UBE2E2: variants seen among roughly 807,000 people sequenced by gnomAD.
The protein encoded by UBE2E2 is ubiquitin-conjugating enzyme E2 E2.
Under a neutral mutation model 24.7 loss-of-function variants are expected in UBE2E2, and 6 were observed. That is an observed-to-expected ratio of 0.24 (90% CI 0.13 to 0.48). The LOEUF (loss-of-function observed/expected upper bound fraction) is 0.48. UBE2E2 is among the 20% of genes least tolerant of loss of function. The probability of loss-of-function intolerance (pLI) is 0.99; values close to 1 mark genes in which losing one functional copy is unlikely to be tolerated. For synonymous variants in UBE2E2, 104 were observed against 83.6 expected, an observed-to-expected ratio of 1.24 and a Z score of -1.33; for missense variants, 169 against 245.0, an observed-to-expected ratio of 0.69 and a Z score of 2.07.
intron 4 of UBE2E2, among the ~76,000 whole-genome samples, chr3:23,517,592 G>A: frequency 6.6e-6 from 1 of 152,006 alleles, no homozygotes; most frequent in Middle Eastern, 3.2e-3. Flanking sequence ...TTTCCTAGAG[G>A]GGATAAAAAT....
At chr3:23,430,303 CT>C (rs1415602882) in intron 3 of UBE2E2, among the ~76,000 whole-genome samples, 2 of 152,018 alleles carry the variant, frequency 1.3e-5, no homozygotes, top group South Asian at 4.2e-4. Flanking sequence ...ATTAGTATAC[CT>C]TATCTCCCAT....
At chr3:23,335,608 C>G (rs1406474975) in intron 3 of UBE2E2, among the ~76,000 whole-genome samples, 1 of 152,194 alleles carries the variant, frequency 6.6e-6, no homozygotes, top group Non-Finnish European at 1.5e-5. Flanking sequence ...ATGGCTCACT[C>G]ACTGCAGCTG....
intron 3 of UBE2E2, among the ~76,000 whole-genome samples, chr3:23,458,523 T>C (rs1417529919): frequency 1.3e-5 from 2 of 152,048 alleles, no homozygotes; most frequent in Non-Finnish European, 2.9e-5. Context: ...GTTCACACCA[T>C]GCTCCTGCCT....
rs554956364 is a variant in UBE2E2, at chr3:23,313,436, G to A, written c.227+96124G>A. Among the ~76,000 whole-genome samples, 7 of 146,424 alleles carry A rather than the reference G, an allele frequency of 4.8e-5. No individual in the cohort carries two copies. The South Asian group carries it at 8.7e-4, about 18-fold the overall frequency. Reference sequence around the variant, plus strand: ...CATCTCGCTCTGTTCCCAGGCTGGAGTGCAGTGGCGCAATCTCAGCTTACT... The same window carrying A: ...CATCTCGCTCTGTTCCCAGGCTGGAATGCAGTGGCGCAATCTCAGCTTACT... On this transcript the variant is annotated intron_variant, in intron 3 of 5. Transcript: ENST00000396703.
intron 3 of UBE2E2, among the ~76,000 whole-genome samples, chr3:23,440,013 T>A (rs538631098): frequency 6.6e-6 from 1 of 150,838 alleles, no homozygotes; most frequent in East Asian, 1.9e-4. Flanking sequence ...GTATCACGCC[T>A]GTAATCCCAG....
chr3:23,353,231 T>G (rs957769381), intron 3 of UBE2E2, among the ~76,000 whole-genome samples: 4 of 152,146 alleles, frequency 2.6e-5, no homozygotes, highest in African/African-American at 9.7e-5. Context: ...TGATGGGACG[T>G]ATCTCCAAAT....
chr3:23,250,612 T>G (rs1279534866), intron 3 of UBE2E2, among the ~76,000 whole-genome samples: 2 of 152,260 alleles, frequency 1.3e-5, no homozygotes, highest in African/African-American at 4.8e-5. Flanking sequence ...TTGTCTCTTA[T>G]GATACTCTGT....
At chr3:23,204,682 T>C (rs747590091) in intron 1 of UBE2E2, 161 of 985,210 alleles carry the variant, frequency 1.6e-4, no homozygotes, top group Non-Finnish European at 1.6e-4. Flanking sequence ...CTCTTTCCCC[T>C]GCAGCACCTT....
chr3:23,578,616 A>G (rs1277052144), intron 5 of UBE2E2, among the ~76,000 whole-genome samples: 1 of 152,218 alleles, frequency 6.6e-6, no homozygotes, highest in Non-Finnish European at 1.5e-5. Flanking sequence ...GAACAAGATC[A>G]TGTCCTTTGC....
intron 3 of UBE2E2, among the ~76,000 whole-genome samples, chr3:23,245,929 A>G (rs1575499934): frequency 6.6e-6 from 1 of 152,336 alleles, no homozygotes; most frequent in South Asian, 2.1e-4. Flanking sequence ...TTAATGGATA[A>G]GTAGGTGGAT....
At chr3:23,535,057 A>G (rs571872720) in intron 5 of UBE2E2, among the ~76,000 whole-genome samples, 11 of 152,298 alleles carry the variant, frequency 7.2e-5, no homozygotes, top group Middle Eastern at 3.4e-3. Context: ...GGGTATGACT[A>G]CCCATCCTTA....
At chr3:23,265,093 A>G (rs1698010337) in intron 3 of UBE2E2, among the ~76,000 whole-genome samples, 1 of 152,220 alleles carries the variant, frequency 6.6e-6, no homozygotes, top group Non-Finnish European at 1.5e-5. Flanking sequence ...TGCAAAGGGA[A>G]GAAGGAAAGG....
chr3:23,577,889 C>T (rs1696381876), intron 5 of UBE2E2, among the ~76,000 whole-genome samples: 1 of 151,888 alleles, frequency 6.6e-6, no homozygotes, highest in East Asian at 1.9e-4. Context: ...CCCTTAAAAA[C>T]TTGCCTGTGC....
intron 3 of UBE2E2, among the ~76,000 whole-genome samples, chr3:23,391,374 A>G (rs1450347007): frequency 2.0e-5 from 3 of 152,238 alleles, no homozygotes; most frequent in Admixed American, 2.0e-4. Context: ...TAGTTCAGGA[A>G]TGTGGCCACA....
chr3:23,430,100 G>A (rs369584028), intron 3 of UBE2E2, among the ~76,000 whole-genome samples: 49 of 152,266 alleles, frequency 3.2e-4, no homozygotes, highest in African/African-American at 1.1e-3. Context: ...TTCTGGAAAG[G>A]TTAGGTTTTG....
At chr3:23,495,927 C>T (rs1195472477) in intron 3 of UBE2E2, among the ~76,000 whole-genome samples, 2 of 134,684 alleles carry the variant, frequency 1.5e-5, no homozygotes, top group Non-Finnish European at 3.5e-5. Context: ...CTTTTTTAAA[C>T]AAGAGAAATC....
intron 3 of UBE2E2, among the ~76,000 whole-genome samples, chr3:23,264,134 A>G (rs996678629): frequency 6.6e-6 from 1 of 152,182 alleles, no homozygotes; most frequent in African/African-American, 2.4e-5. Context: ...TAAGTATCTT[A>G]CCAAAATTTA....
intron 5 of UBE2E2, among the ~76,000 whole-genome samples, chr3:23,559,275 A>G (rs1238552453): frequency 1.3e-5 from 2 of 152,280 alleles, no homozygotes; most frequent in East Asian, 1.9e-4. Flanking sequence ...TTGATTAAGC[A>G]TTTAACATCA....
intron 4 of UBE2E2, among the ~76,000 whole-genome samples, chr3:23,530,234 A>C (rs1035216205): frequency 4.6e-5 from 7 of 152,136 alleles, no homozygotes; most frequent in African/African-American, 1.7e-4. Context: ...TAAGTGTAGG[A>C]TTGTGTCTTC....
Sources: gnomAD v4.1 joint callset for allele counts (sites outside exome capture counted in the v4.1 genomes callset) on GRCh38, gnomAD v4.1.1 for gene constraint, MANE v1.5 for transcripts, NCBI Gene and HGNC (gene_info 2026-07-23, HGNC 2026-07-21) for gene names.